Variants in IQCE observed in about 807,000 individuals in gnomAD.
The protein encoded by IQCE is IQ motif containing E.
A neutral mutation model predicts 96.0 loss-of-function variants in IQCE; 115 were observed. The observed-to-expected ratio is 1.20, with a 90% CI of 1.03 to 1.40. The LOEUF is 1.40. Among genes scored for constraint, IQCE ranks in the 40% most tolerant of loss-of-function variants. The pLI is 0.00. For missense variants in IQCE, 1,041 were observed against 909.1 expected, an observed-to-expected ratio of 1.15 and a Z score of -1.87; for synonymous variants, 412 against 371.2, an observed-to-expected ratio of 1.11 and a Z score of -1.26.
intron 21 of IQCE, among the ~76,000 whole-genome samples, chr7:2,607,895 G>A (rs1228694712): frequency 6.6e-6 from 1 of 152,228 alleles, no homozygotes; most frequent in Admixed American, 6.5e-5. Flanking sequence ...GTCGGGAGAT[G>A]GAGAAGGGCA....
intron 1 of IQCE, among the ~76,000 whole-genome samples, chr7:2,559,777 G>T (rs999617439): frequency 1.6e-5 from 2 of 127,936 alleles, no homozygotes; most frequent in East Asian, 2.6e-4. Context: ...GGGGGGGGGG[G>T]GGGGGCGGAG....
intron 20 of IQCE, 74 bp downstream of exon 20, chr7:2,606,071 C>G (rs1784800981): frequency 1.3e-6 from 2 of 1,500,748 alleles, no homozygotes; most frequent in East Asian, 5.1e-5. Flanking sequence ...GCCCGGAGCA[C>G]TGGGTGCAGG....
chr7:2,579,232 C>T (rs1782461025), intron 8 of IQCE, among the ~76,000 whole-genome samples: 2 of 152,100 alleles, frequency 1.3e-5, no homozygotes, highest in South Asian at 2.1e-4. Context: ...GCACAGTACA[C>T]CTCCTAGCAG....
intron 18 of IQCE, among the ~76,000 whole-genome samples, chr7:2,602,121 C>T (rs184838855): frequency 1.1e-3 from 168 of 152,278 alleles, no homozygotes; most frequent in African/African-American, 3.6e-3. Flanking sequence ...CAGCCCTGCA[C>T]ACAAAGGCCA....
At chr7:2,569,308 T>C (rs1372395494) in intron 3 of IQCE, among the ~76,000 whole-genome samples, 1 of 152,224 alleles carries the variant, frequency 6.6e-6, no homozygotes, top group Non-Finnish European at 1.5e-5. Context: ...GTTTTCTTTT[T>C]CTTGCTTTCT....
chr7:2,600,303 C>A (rs1158106649), intron 17 of IQCE, among the ~76,000 whole-genome samples: 6 of 152,354 alleles, frequency 3.9e-5, no homozygotes, highest in Non-Finnish European at 8.8e-5. Flanking sequence ...GCTGTGTACC[C>A]CATCCCCTCG....
At chr7:2,600,562 C>T (rs7778756) in intron 17 of IQCE, among the ~76,000 whole-genome samples, 2 of 152,218 alleles carry the variant, frequency 1.3e-5, no homozygotes, top group East Asian at 3.9e-4. Flanking sequence ...CTCCCGAAAG[C>T]GTGGGAGAAA....
intron 1 of IQCE, among the ~76,000 whole-genome samples, chr7:2,562,501 T>TA (rs1170397183): frequency 6.6e-6 from 1 of 152,042 alleles, no homozygotes; most frequent in African/African-American, 2.4e-5. Context: ...GCATTGGTAT[T>TA]AATTTCTCTT....
At chr7:2,599,050 A>C (rs1256201724) in intron 17 of IQCE, among the ~76,000 whole-genome samples, 1 of 152,188 alleles carries the variant, frequency 6.6e-6, no homozygotes, top group Non-Finnish European at 1.5e-5. Flanking sequence ...GCCTGCCGCT[A>C]TCTGTTTCCC....
chr7:2,560,036 T>G (rs1780824318), intron 1 of IQCE, among the ~76,000 whole-genome samples: 1 of 151,948 alleles, frequency 6.6e-6, no homozygotes, highest in African/African-American at 2.4e-5. Flanking sequence ...GGTGCCTGCC[T>G]GTAGTCCCAA....
chr7:2,589,966 G>A lies in IQCE; in HGVS notation c.1104G>A (p.Pro368=), dbSNP rs1244250944. The change falls in exon 14 of 22, where the codon CCG becomes CCA. Residue 368 remains proline (P), a synonymous_variant. Transcript: ENST00000402050. The stretch of plus-strand genomic sequence containing the variant: ...CCGCAGAGCCAGTCAGATCACACCC[G>A]CCAGCCTGCCTTGCATCCAGCTCTG... ...SHAAEPVRSH[P]PACLASSSAL... is the part of the protein sequence containing the mutation. 29 of 1,613,844 alleles carry A rather than the reference G, an allele frequency of 1.8e-5. No homozygotes were observed. Among genetic ancestry groups the A allele is most frequent in the South Asian group, 2.2e-5 (2 of 91,090 alleles).
chr7:2,576,470 G>C (rs1416202010), intron 6 of IQCE, among the ~76,000 whole-genome samples: 4 of 151,856 alleles, frequency 2.6e-5, no homozygotes, highest in Non-Finnish European at 4.4e-5. Context: ...GAGTGTAGTG[G>C]TGCAGTCTTG....
At chr7:2,594,356 G>C (rs538825142) in intron 15 of IQCE, among the ~76,000 whole-genome samples, 1 of 131,096 alleles carries the variant, frequency 7.6e-6, no homozygotes, top group African/African-American at 3.0e-5. Flanking sequence ...AAGGGCACAT[G>C]TGCAGAAATG....
rs567667754 is a variant in IQCE, at chr7:2,587,017, G to A, written c.988+646G>A. ...CAGAGGCTTCTGCGCTTGTCTAGTC[G>A]GGCTGCTGGTGGCCTGGATGGGGGC... On this transcript the variant is annotated intron_variant, in intron 12 of 21. Coordinates refer to ENST00000402050, the MANE Select transcript of IQCE (RefSeq NM_152558.5). Among the ~76,000 whole-genome samples, 82 of 152,328 alleles carry A rather than the reference G, an allele frequency of 5.4e-4. No homozygotes were observed. The South Asian group carries it at 0.016, about 29-fold the overall frequency.
In IQCE at chr7:2,599,747, G is replaced by A. The variant is rs573546181; in HGVS notation, c.1608+1115G>A. Among the ~76,000 whole-genome samples, 369 of 151,764 alleles carry A rather than the reference G, an allele frequency of 2.4e-3. 1 individual carries two copies. The highest frequency in any genetic ancestry group is 4.2e-3 in the Non-Finnish European group (286 of 67,946). ...AGCCATTTACCTGCCTCCGCCTCCC[G>A]GAGTGCTGGGATTACAGGTGTGAGC... is the stretch of plus-strand genomic sequence containing the variant. On this transcript the variant is annotated intron_variant, in intron 17 of 21. Coordinates refer to ENST00000402050, the MANE Select transcript of IQCE (RefSeq NM_152558.5).
intron 1 of IQCE, among the ~76,000 whole-genome samples, chr7:2,562,303 A>ATATATATATAT (rs1562614367): frequency 2.5e-5 from 3 of 118,460 alleles, no homozygotes; most frequent in Non-Finnish European, 5.1e-5. Flanking sequence ...TATATATATA[A>ATATATATATAT]AATCCTTTTC....
chr7:2,607,033 C>A, intron 20 of IQCE, 91 bp from the exon 21 acceptor site: 1 of 1,224,908 alleles, frequency 8.2e-7, no homozygotes, highest in Non-Finnish European at 1.1e-6. Context: ...GAATACTTGC[C>A]TCCAAGCAAA....
At chr7:2,592,938 C>T (rs1562661867) in intron 14 of IQCE, 84 bp from the exon 15 acceptor site, 1 of 1,443,714 alleles carries the variant, frequency 6.9e-7, no homozygotes, top group Non-Finnish European at 9.4e-7. Flanking sequence ...GGGCTGAGCA[C>T]TGTCATTTTC....
intron 5 of IQCE, 106 bp from the exon 6 acceptor site, chr7:2,573,312 T>C: frequency 1.5e-6 from 1 of 651,976 alleles, no homozygotes; most frequent in Non-Finnish European, 2.7e-6. Flanking sequence ...TTTTCTTCTT[T>C]TTTAAAAGGA....
Sources: allele counts gnomAD v4.1 joint callset (sites outside exome capture counted in the v4.1 genomes callset), GRCh38; gene constraint gnomAD v4.1.1; transcripts MANE v1.5; gene names NCBI Gene and HGNC (gene_info 2026-07-23, HGNC 2026-07-21).